The following SEL1L2 variants were observed in gnomAD, a reference collection of about 807,000 sequenced individuals.
SEL1L2 encodes SEL1L2 adaptor subunit of SYVN1 ubiquitin ligase, also known as protein sel-1 homolog 2.
SEL1L2 carries 89 observed loss-of-function variants against 98.8 expected under a neutral mutation model. The observed-to-expected ratio is 0.90, with a 90% CI of 0.76 to 1.07. SEL1L2 has a LOEUF of 1.07. Among genes scored for constraint, SEL1L2 ranks in the 50% least tolerant of loss-of-function variants. The pLI, the probability that SEL1L2 is intolerant of heterozygous loss-of-function variation, is 0.00. For missense variants in SEL1L2, 788 were observed against 812.0 expected, an observed-to-expected ratio of 0.97 and a Z score of 0.36; for synonymous variants, 262 against 278.5, an observed-to-expected ratio of 0.94 and a Z score of 0.59.
chr20:13,884,318 A>G (rs2046844705), intron 10 of SEL1L2, among the ~76,000 whole-genome samples: 1 of 152,080 alleles, frequency 6.6e-6, no homozygotes, highest in Admixed American at 6.6e-5. Context: ...TTTAAAAAAA[A>G]AAATCCAGTT....
At position 13,975,385 on chromosome 20, in the gene SEL1L2, G is replaced by A. The variant is rs1252421588; in HGVS notation, c.58+15092C>T. The stretch of plus-strand genomic sequence containing the variant: ...GGCTGTTTAATAGTATGCACAAACA[G>A]CCTGAGGCAAGTAAATATGATTGTG... On this transcript the variant is annotated intron_variant, in intron 1 of 19. Coordinates refer to ENST00000284951, the MANE Select transcript of SEL1L2 (RefSeq NM_025229.2). 2.0e-5 allele frequency among the ~76,000 whole-genome samples: 3 copies of A among 152,128 alleles called. No homozygotes were observed. The East Asian group carries it at 5.8e-4, about 29-fold the overall frequency.
chr20:13,948,182 C>T (rs554408965), intron 2 of SEL1L2, among the ~76,000 whole-genome samples: 2 of 152,166 alleles, frequency 1.3e-5, no homozygotes, highest in East Asian at 1.9e-4. Flanking sequence ...GATGTCAATA[C>T]TATCCAATGC....
intron 1 of SEL1L2, among the ~76,000 whole-genome samples, chr20:13,989,364 G>A (rs982739346): frequency 1.2e-4 from 18 of 151,708 alleles, no homozygotes; most frequent in African/African-American, 3.6e-4. Context: ...TAATAGTTTC[G>A]TAGTTGATTC....
chr20:13,978,858 A>G (rs971025347), intron 1 of SEL1L2, among the ~76,000 whole-genome samples: 1 of 152,172 alleles, frequency 6.6e-6, no homozygotes, highest in Non-Finnish European at 1.5e-5. Flanking sequence ...CCGGAGTTTG[A>G]GACCAGCCTG....
At chr20:13,876,896 T>C (rs953907752) in intron 11 of SEL1L2, among the ~76,000 whole-genome samples, 1 of 152,094 alleles carries the variant, frequency 6.6e-6, no homozygotes, top group Non-Finnish European at 1.5e-5. Flanking sequence ...TGATCTCAGC[T>C]CACTGCACCC....
At chr20:13,977,836 T>G (rs1470975405) in intron 1 of SEL1L2, among the ~76,000 whole-genome samples, 1 of 152,102 alleles carries the variant, frequency 6.6e-6, no homozygotes, top group East Asian at 1.9e-4. Context: ...ATTATAAAAA[T>G]TTGATGAAAA....
intron 1 of SEL1L2, among the ~76,000 whole-genome samples, chr20:13,956,553 CAT>C (rs1263723391): frequency 8.6e-5 from 13 of 152,002 alleles, no homozygotes; most frequent in Non-Finnish European, 1.6e-4. Context: ...TAGACTCATC[CAT>C]ATGTCAGAGA....
At chr20:13,914,946 CAT>C (rs2048340322) in intron 4 of SEL1L2, among the ~76,000 whole-genome samples, 1 of 152,170 alleles carries the variant, frequency 6.6e-6, no homozygotes, top group Non-Finnish European at 1.5e-5. Flanking sequence ...AAGGTCAAAA[CAT>C]GTGTCAGAGA....
chr20:13,866,473 A>T (rs1991050920), intron 15 of SEL1L2, among the ~76,000 whole-genome samples: 4 of 152,224 alleles, frequency 2.6e-5, no homozygotes, highest in African/African-American at 7.2e-5. Flanking sequence ...TCTGAACCTG[A>T]TGAAAAGCCA....
At chr20:13,903,181 T>C (rs1408966779) in intron 5 of SEL1L2, among the ~76,000 whole-genome samples, 1 of 151,798 alleles carries the variant, frequency 6.6e-6, no homozygotes, top group Non-Finnish European at 1.5e-5. Flanking sequence ...CCACTTTTAA[T>C]GATTTCAACA....
intron 1 of SEL1L2, 118 bp downstream of exon 1, chr20:13,990,359 G>A: frequency 1.4e-6 from 1 of 698,578 alleles, no homozygotes; most frequent in Non-Finnish European, 2.5e-6. Context: ...TACAAAAATG[G>A]CATTAGTTAG....
chr20:13,960,543 G>GT (rs2050732286), intron 1 of SEL1L2, among the ~76,000 whole-genome samples: 1 of 152,102 alleles, frequency 6.6e-6, no homozygotes, highest in East Asian at 1.9e-4. Context: ...CGACAAGGGT[G>GT]TTTATTTTCT....
chr20:13,872,973 C>T (rs902715621), intron 12 of SEL1L2, among the ~76,000 whole-genome samples: 16 of 151,698 alleles, frequency 1.1e-4, no homozygotes, highest in Admixed American at 8.5e-4. Context: ...GTTTCATCAG[C>T]GTTTGCCATT....
chr20:13,903,190 C>T (rs984131210), intron 5 of SEL1L2, among the ~76,000 whole-genome samples: 1 of 150,166 alleles, frequency 6.7e-6, no homozygotes. Context: ...ATGATTTCAA[C>T]AGTTCTGATA....
chr20:13,944,399 T>C (rs1007884001), intron 2 of SEL1L2, among the ~76,000 whole-genome samples: 3 of 151,454 alleles, frequency 2.0e-5, no homozygotes, highest in Non-Finnish European at 4.4e-5. Flanking sequence ...GCTGGTGGAG[T>C]AGTTAAAAGG....
chr20:13,959,710 G>A (rs1045341002), intron 1 of SEL1L2, among the ~76,000 whole-genome samples: 1 of 152,118 alleles, frequency 6.6e-6, no homozygotes, highest in Non-Finnish European at 1.5e-5. Flanking sequence ...AGAGTTTGTC[G>A]AATCCTGAAG....
chr20:13,896,001 C>A lies in SEL1L2; in HGVS notation c.550-7489G>T, dbSNP rs894318926. Among the ~76,000 whole-genome samples, 17 of 151,906 alleles carry A rather than the reference C, an allele frequency of 1.1e-4. No individual in the cohort carries two copies. The East Asian group carries it at 2.7e-3, about 24-fold the overall frequency. On this transcript the variant is annotated intron_variant, in intron 5 of 19. Transcript: ENST00000284951. ...CAGCCTGGCCAACATAGCAAAACTC[C>A]ATCTCTACTGAAAATACAAAAAAAT...
intron 3 of SEL1L2, among the ~76,000 whole-genome samples, chr20:13,920,582 CACAT>C (rs1416001183): frequency 5.2e-5 from 6 of 114,918 alleles, no homozygotes; most frequent in Admixed American, 2.6e-4. Flanking sequence ...CACACACTCT[CACAT>C]ACACACACAC....
chr20:13,886,459 G>T lies in SEL1L2; in HGVS notation c.746-17C>A. The T allele has an allele frequency of 6.2e-7, 1 of 1,609,828 alleles. No homozygotes were observed. ...TGTCAGCAACTGTGAATAAAAACAA[G>T]CCAGAGAATAGCTAGAAAACAGAGG... is the stretch of plus-strand genomic sequence containing the variant. On this transcript the variant is annotated splice_polypyrimidine_tract_variant and intron_variant, in intron 8 of 19. Coordinates refer to ENST00000284951, the MANE Select transcript of SEL1L2 (RefSeq NM_025229.2).
Sources: gnomAD v4.1 joint callset for allele counts (sites outside exome capture counted in the v4.1 genomes callset) on GRCh38, gnomAD v4.1.1 for gene constraint, MANE v1.5 for transcripts, NCBI Gene and HGNC (gene_info 2026-07-23, HGNC 2026-07-21) for gene names.